Variants in FBXL17 observed in about 807,000 individuals in gnomAD.
FBXL17 encodes F-box and leucine rich repeat protein 17, also known as F-box/LRR-repeat protein 17.
A neutral mutation model predicts 66.2 loss-of-function variants in FBXL17; 22 were observed. The ratio of observed to expected loss-of-function variants is 0.33; its 90% CI spans 0.24 to 0.47. The LOEUF (loss-of-function observed/expected upper bound fraction) is 0.47. Among genes scored for constraint, FBXL17 ranks in the 20% least tolerant of loss-of-function variants. The pLI is 1.00. For missense variants in FBXL17, 878 were observed against 948.2 expected, an observed-to-expected ratio of 0.93 and a Z score of 0.97; for synonymous variants, 474 against 400.5, an observed-to-expected ratio of 1.18 and a Z score of -2.19.
intron 4 of FBXL17, among the ~76,000 whole-genome samples, chr5:108,329,047 C>T (rs1759995459): frequency 6.6e-6 from 1 of 151,996 alleles, no homozygotes; most frequent in African/African-American, 2.4e-5. Flanking sequence ...TTCATTATAC[C>T]ACAATTGCCT....
At chr5:108,161,715 A>C (rs2150007411) in intron 6 of FBXL17, among the ~76,000 whole-genome samples, 1 of 152,230 alleles carries the variant, frequency 6.6e-6, no homozygotes, top group East Asian at 1.9e-4. Context: ...TATGTAAAGA[A>C]ATTTGGTTGC....
At chr5:108,039,279 AATG>A (rs1402116745) in intron 6 of FBXL17, among the ~76,000 whole-genome samples, 1 of 152,046 alleles carries the variant, frequency 6.6e-6, no homozygotes, top group African/African-American at 2.4e-5. Flanking sequence ...AAATTGAGGA[AATG>A]ATATGATGTT....
At chr5:108,362,720 G>C (rs187372018) in intron 3 of FBXL17, among the ~76,000 whole-genome samples, 2 of 152,114 alleles carry the variant, frequency 1.3e-5, no homozygotes, top group East Asian at 3.9e-4. Flanking sequence ...ACATCTATTA[G>C]AGCTCCAAAT....
intron 7 of FBXL17, among the ~76,000 whole-genome samples, chr5:107,977,516 T>C (rs1752628020): frequency 6.6e-6 from 1 of 152,204 alleles, no homozygotes; most frequent in African/African-American, 2.4e-5. Context: ...AAGACTGTTT[T>C]CAAGAAAAAT....
intron 4 of FBXL17, among the ~76,000 whole-genome samples, chr5:108,255,902 C>G (rs1756557079): frequency 1.3e-5 from 2 of 151,960 alleles, no homozygotes. Context: ...TGAAATCCAC[C>G]AAAGAAAATG....
At chr5:108,044,932 G>GTT (rs1366732027) in intron 6 of FBXL17, among the ~76,000 whole-genome samples, 1 of 152,092 alleles carries the variant, frequency 6.6e-6, no homozygotes, top group African/African-American at 2.4e-5. Context: ...GTGTAGAATT[G>GTT]TTTATTGTAT....
chr5:108,270,278 G>A (rs1344692259), intron 4 of FBXL17, among the ~76,000 whole-genome samples: 1 of 151,882 alleles, frequency 6.6e-6, no homozygotes, highest in African/African-American at 2.4e-5. Flanking sequence ...ACAAAAAAGT[G>A]AAGGCGATCT....
At chr5:108,252,756 T>C (rs1756410518) in intron 4 of FBXL17, among the ~76,000 whole-genome samples, 1 of 152,134 alleles carries the variant, frequency 6.6e-6, no homozygotes, top group Non-Finnish European at 1.5e-5. Context: ...ACAAGAGCTG[T>C]ATACATACCA....
At chr5:108,111,840 T>TGA (rs1451586715) in intron 6 of FBXL17, among the ~76,000 whole-genome samples, 4 of 152,332 alleles carry the variant, frequency 2.6e-5, no homozygotes, top group Non-Finnish European at 5.9e-5. Context: ...CCCTTGAGCT[T>TGA]ACAGAAGTTC....
intron 7 of FBXL17, among the ~76,000 whole-genome samples, chr5:107,910,565 A>T (rs1749917094): frequency 6.6e-6 from 1 of 152,180 alleles, no homozygotes; most frequent in Non-Finnish European, 1.5e-5. Context: ...AGATAATCAC[A>T]ATAAAAAAGA....
chr5:107,868,658 C>A (rs1748352934), intron 8 of FBXL17, among the ~76,000 whole-genome samples: 1 of 152,232 alleles, frequency 6.6e-6, no homozygotes, highest in African/African-American at 2.4e-5. Context: ...AGGGGAGGAA[C>A]AATGACACCA....
At position 108,171,906 on chromosome 5, in the gene FBXL17, G is replaced by A. The variant is rs116717802; in HGVS notation, c.1745+14211C>T. 7.1e-3 allele frequency among the ~76,000 whole-genome samples: 1,077 copies of A among 152,060 alleles called. 14 individuals are homozygous for A. The highest frequency in any genetic ancestry group is 0.025 in the African/African-American group (1,044 of 41,542). Reference sequence around the variant, plus strand: ...GTGAGTAAGTCTCACAAGATCTGATGGTTTTAAAAAGAGGAGTTCCCCGCA... The same window carrying A: ...GTGAGTAAGTCTCACAAGATCTGATAGTTTTAAAAAGAGGAGTTCCCCGCA... On this transcript the variant is annotated intron_variant, in intron 6 of 8. Transcript: ENST00000542267.
At chr5:107,897,920 A>C (rs1323244922) in intron 7 of FBXL17, among the ~76,000 whole-genome samples, 1 of 152,180 alleles carries the variant, frequency 6.6e-6, no homozygotes, top group East Asian at 1.9e-4. Flanking sequence ...AAAGAAAGAA[A>C]GAAAGAAAGA....
intron 7 of FBXL17, among the ~76,000 whole-genome samples, chr5:107,903,025 T>G (rs761279903): frequency 6.6e-6 from 1 of 152,164 alleles, no homozygotes; most frequent in Non-Finnish European, 1.5e-5. Context: ...CTTTCCTGTG[T>G]ATTTCATCAA....
intron 5 of FBXL17, among the ~76,000 whole-genome samples, chr5:108,211,450 G>A (rs1303281929): frequency 1.3e-5 from 2 of 152,304 alleles, no homozygotes; most frequent in East Asian, 3.9e-4. Flanking sequence ...GTATGTTTCT[G>A]CAGTGGCTGG....
intron 6 of FBXL17, among the ~76,000 whole-genome samples, chr5:108,185,023 TA>T (rs1414625623): frequency 6.6e-6 from 1 of 152,160 alleles, no homozygotes; most frequent in African/African-American, 2.4e-5. Context: ...TTCATTATAA[TA>T]GTCTACTTTT....
intron 7 of FBXL17, among the ~76,000 whole-genome samples, chr5:107,928,320 C>T (rs1480393016): frequency 6.6e-6 from 1 of 152,002 alleles, no homozygotes; most frequent in Non-Finnish European, 1.5e-5. Flanking sequence ...GGCAATCCAT[C>T]ACACCATTAG....
chr5:108,222,533 A>G (rs998050963), intron 5 of FBXL17, among the ~76,000 whole-genome samples: 6 of 152,210 alleles, frequency 3.9e-5, no homozygotes, highest in Admixed American at 6.5e-5. Flanking sequence ...GATCCTCACA[A>G]TAAAATTAAA....
At chr5:108,143,311 A>C (rs1198694339) in intron 6 of FBXL17, among the ~76,000 whole-genome samples, 1 of 151,924 alleles carries the variant, frequency 6.6e-6, no homozygotes, top group Non-Finnish European at 1.5e-5. Context: ...AAATGAACAT[A>C]GACAATTAAC....
Sources: gnomAD v4.1 joint callset for allele counts (sites outside exome capture counted in the v4.1 genomes callset) on GRCh38, gnomAD v4.1.1 for gene constraint, MANE v1.5 for transcripts, NCBI Gene and HGNC (gene_info 2026-07-23, HGNC 2026-07-21) for gene names.